The following CHMP4C variants were observed in gnomAD, a reference collection of about 807,000 sequenced individuals.
CHMP4C encodes the protein charged multivesicular body protein 4C.
A neutral mutation model predicts 29.0 loss-of-function variants in CHMP4C; 28 were observed. The ratio of observed to expected loss-of-function variants is 0.97; its 90% CI spans 0.72 to 1.32. CHMP4C has a LOEUF of 1.32. CHMP4C is among the 40% of genes most tolerant of loss of function. The pLI is 0.00. For synonymous variants in CHMP4C, 106 were observed against 102.4 expected, an observed-to-expected ratio of 1.04 and a Z score of -0.21; for missense variants, 291 against 281.0, an observed-to-expected ratio of 1.04 and a Z score of -0.25.
At chr8:81,743,351 T>A (rs960150907) in intron 1 of CHMP4C, among the ~76,000 whole-genome samples, 1 of 151,710 alleles carries the variant, frequency 6.6e-6, no homozygotes, top group Non-Finnish European at 1.5e-5. Context: ...GTTAAATATA[T>A]AAATATGGCT....
At chr8:81,740,907 G>A (rs1808755359) in intron 1 of CHMP4C, among the ~76,000 whole-genome samples, 1 of 152,188 alleles carries the variant, frequency 6.6e-6, no homozygotes, top group Non-Finnish European at 1.5e-5. Flanking sequence ...TTGGAGGCTA[G>A]TGGATGATCT....
At chr8:81,753,485 C>T (rs904238377) in intron 2 of CHMP4C, among the ~76,000 whole-genome samples, 1 of 152,112 alleles carries the variant, frequency 6.6e-6, no homozygotes, top group Non-Finnish European at 1.5e-5. Flanking sequence ...TTGCTGGAAA[C>T]TGTACCTGTA....
At chr8:81,741,320 T>C (rs970247369) in intron 1 of CHMP4C, among the ~76,000 whole-genome samples, 1 of 152,192 alleles carries the variant, frequency 6.6e-6, no homozygotes, top group Admixed American at 6.5e-5. Context: ...TTACAGTTTA[T>C]TGAGTCAATC....
intron 1 of CHMP4C, among the ~76,000 whole-genome samples, chr8:81,740,794 GC>G (rs1457373579): frequency 1.3e-5 from 2 of 152,170 alleles, no homozygotes; most frequent in African/African-American, 4.8e-5. Context: ...TCTCTGGAGA[GC>G]TTTTTAAAAA....
rs754064419 is a variant in CHMP4C, at chr8:81,758,194, A to G, written c.536A>G (p.Lys179Arg). Residue 179 changes from lysine to arginine, a missense_variant, in exon 4 of 5, where the codon AAG becomes AGG. Lys to Arg is a conservative substitution (Grantham distance 26, BLOSUM62 2). Coordinates refer to ENST00000297265, the MANE Select transcript of CHMP4C (RefSeq NM_152284.4). The stretch of plus-strand genomic sequence containing the variant: ...TTGGAACAGGAGGAATTAAATAAGA[A>G]GATGACAAATATCCGCCTTCCAAAT... ...EELEQEELNK[K>R]MTNIRLPNVP... 3.7e-5 allele frequency: 60 copies of G among 1,613,938 alleles called. 1 individual carries two copies. The South Asian group carries it at 5.9e-4, about 16-fold the overall frequency.
At chr8:81,741,414 T>C (rs754035636) in intron 1 of CHMP4C, among the ~76,000 whole-genome samples, 1 of 152,136 alleles carries the variant, frequency 6.6e-6, no homozygotes, top group Non-Finnish European at 1.5e-5. Flanking sequence ...TTACAAGGAA[T>C]TATGGCAAGA....
chr8:81,753,182 T>C lies in CHMP4C; in HGVS notation c.309T>C (p.Thr103=). The change falls in exon 2 of 5, where the codon ACT becomes ACC. Residue 103 remains threonine (T), a synonymous_variant. Transcript: ENST00000297265. ...REALENSHTN[T]EVLRNMGFAA... ...CCCTGGAGAACTCACACACCAACACTGAGGTGTTGAGGAACATGGGCTTTG... is the reference window on the plus strand; with the variant it reads ...CCCTGGAGAACTCACACACCAACACCGAGGTGTTGAGGAACATGGGCTTTG... 1 of 1,610,880 alleles carries C rather than the reference T, an allele frequency of 6.2e-7. No individual in the cohort carries two copies. The highest frequency in any genetic ancestry group is 8.5e-7 in the Non-Finnish European group (1 of 1,178,216).
chr8:81,746,539 C>G (rs1196114003), intron 1 of CHMP4C, among the ~76,000 whole-genome samples: 1 of 152,130 alleles, frequency 6.6e-6, no homozygotes. Context: ...CTCTCTTTTT[C>G]TTTCTTTCTC....
intron 1 of CHMP4C, among the ~76,000 whole-genome samples, chr8:81,751,418 A>G (rs888400273): frequency 2.0e-5 from 3 of 152,116 alleles, no homozygotes; most frequent in African/African-American, 7.2e-5. Flanking sequence ...AAAATTGCAG[A>G]TGATTTCAAT....
intron 2 of CHMP4C, among the ~76,000 whole-genome samples, chr8:81,753,675 G>A (rs185572494): frequency 3.9e-5 from 6 of 152,178 alleles, no homozygotes; most frequent in Admixed American, 1.3e-4. Flanking sequence ...ATGTGATTCC[G>A]ATGCTAACCA....
In CHMP4C at chr8:81,759,326, A is replaced by G. The variant is rs1346584488; in HGVS notation, c.*782A>G. The G allele has an allele frequency of 6.6e-6, 1 of 152,526 alleles. No homozygotes were observed. The highest frequency in any genetic ancestry group is 2.4e-5 in the African/African-American group (1 of 41,440). 9.4% of individuals were successfully genotyped at this position (152,526 alleles called of 1,614,324 possible). On this transcript the variant is annotated 3_prime_UTR_variant, in exon 5 of 5. Coordinates refer to ENST00000297265, the MANE Select transcript of CHMP4C (RefSeq NM_152284.4). ...TGCTGAATGAGAATCTCCTGGGTGT[A>G]ATTTAGCCACTTAGGGAACTGCGTG... is the stretch of plus-strand genomic sequence containing the variant.
chr8:81,734,231 T>C (rs925803872), intron 1 of CHMP4C, among the ~76,000 whole-genome samples: 1 of 152,248 alleles, frequency 6.6e-6, no homozygotes, highest in African/African-American at 2.4e-5. Context: ...ATACACACTC[T>C]GACGTTTGCT....
chr8:81,746,815 A>G (rs1808829678), intron 1 of CHMP4C, among the ~76,000 whole-genome samples: 1 of 152,140 alleles, frequency 6.6e-6, no homozygotes, highest in African/African-American at 2.4e-5. Flanking sequence ...ATGACTAACA[A>G]TTGTAAGGTT....
At chr8:81,740,786 T>G (rs1347370399) in intron 1 of CHMP4C, among the ~76,000 whole-genome samples, 2 of 152,212 alleles carry the variant, frequency 1.3e-5, no homozygotes, top group Non-Finnish European at 2.9e-5. Flanking sequence ...CATCAGATTC[T>G]CTGGAGAGCT....
At chr8:81,746,624 C>T (rs909516642) in intron 1 of CHMP4C, among the ~76,000 whole-genome samples, 1 of 152,180 alleles carries the variant, frequency 6.6e-6, no homozygotes, top group African/African-American at 2.4e-5. Context: ...CTGCCTGGCT[C>T]CCTCTGAGTT....
Position 81,758,787 on chromosome 8 carries a change from G to T in CHMP4C, c.*243G>T, listed in dbSNP as rs1368994381. The T allele has an allele frequency of 1.4e-5, 6 of 431,934 alleles. No individual in the cohort carries two copies. The highest frequency in any genetic ancestry group is 2.0e-5 in the Non-Finnish European group (5 of 243,920). 26.8% of individuals were successfully genotyped at this position (431,934 alleles called of 1,614,324 possible). On this transcript the variant is annotated 3_prime_UTR_variant, in exon 5 of 5. Transcript: ENST00000297265. ...CACTTTGGGAGGCTGAGGCAGTTGA[G>T]ACCAGGAGTTCGAGTCCAGCCTGAC...
rs35249739 is a variant in CHMP4C at position 81,758,541 on chromosome 8, C to T, written c.699C>T (p.Thr233=). Residue 233 remains threonine, a synonymous_variant, in exon 5 of 5, where the codon ACC becomes ACT. Transcript: ENST00000297265. ...TCAAACAATTGGCAGCTTGGGCTACCTAAACTAAAACACATTTTTGATACC... is the reference window on the plus strand; with the variant it reads ...TCAAACAATTGGCAGCTTGGGCTACTTAAACTAAAACACATTTTTGATACC... ...DDIKQLAAWA[T] 2 of 1,605,760 alleles carry T rather than the reference C, an allele frequency of 1.2e-6. No homozygotes were observed. Among genetic ancestry groups the T allele is most frequent in the Admixed American group, 1.7e-5 (1 of 59,944 alleles).
intron 1 of CHMP4C, among the ~76,000 whole-genome samples, chr8:81,749,192 CA>C (rs1448633360): frequency 6.6e-6 from 1 of 151,500 alleles, no homozygotes; most frequent in Non-Finnish European, 1.5e-5. Context: ...GTTGAAAGGC[CA>C]CACTCTTTCC....
At chr8:81,748,401 G>A (rs1466272302) in intron 1 of CHMP4C, among the ~76,000 whole-genome samples, 1 of 152,176 alleles carries the variant, frequency 6.6e-6, no homozygotes, top group Non-Finnish European at 1.5e-5. Flanking sequence ...GTATTGATTG[G>A]GGAAGTGATA....
Sources: allele counts gnomAD v4.1 joint callset (sites outside exome capture counted in the v4.1 genomes callset), GRCh38; gene constraint gnomAD v4.1.1; transcripts MANE v1.5; gene names NCBI Gene and HGNC (gene_info 2026-07-23, HGNC 2026-07-21).